The following WDR33 variants were observed in gnomAD, a reference collection of about 807,000 sequenced individuals.
WDR33 encodes the protein pre-mRNA 3' end processing protein WDR33.
A neutral mutation model predicts 164.9 loss-of-function variants in WDR33; 47 were observed. The observed-to-expected ratio is 0.29, with a 90% CI of 0.23 to 0.36. WDR33 has a LOEUF of 0.36. Among genes scored for constraint, WDR33 ranks in the 10% least tolerant of loss-of-function variants. WDR33 has a pLI of 1.00. For missense variants in WDR33, 1,137 were observed against 1,754.1 expected, an observed-to-expected ratio of 0.65 and a Z score of 6.28; for synonymous variants, 505 against 589.0, an observed-to-expected ratio of 0.86 and a Z score of 2.06.
intron 7 of WDR33, among the ~76,000 whole-genome samples, chr2:127,744,699 C>T (rs1025137776): frequency 6.6e-6 from 1 of 152,132 alleles, no homozygotes; most frequent in Non-Finnish European, 1.5e-5. Context: ...TCAAGAAAAA[C>T]AACTCTTAAT....
intron 7 of WDR33, among the ~76,000 whole-genome samples, chr2:127,747,653 G>A (rs1687204063): frequency 6.6e-6 from 1 of 152,104 alleles, no homozygotes; most frequent in African/African-American, 2.4e-5. Context: ...AATGTATCCT[G>A]CTTGTCTAAT....
chr2:127,728,957 C>T (rs1399177317), intron 7 of WDR33, among the ~76,000 whole-genome samples: 1 of 152,064 alleles, frequency 6.6e-6, no homozygotes. Context: ...ACTATGAACC[C>T]AAAAGGAACC....
chr2:127,713,583 C>T lies in WDR33; in HGVS notation c.3308G>A (p.Ser1103Asn), dbSNP rs1686229165. 6.2e-7 allele frequency: 1 copy of T among 1,614,022 alleles called. No homozygotes were observed. Among genetic ancestry groups the T allele is most frequent in the Admixed American group, 1.7e-5 (1 of 60,000 alleles). ...TGGGCCCACAAAGTATCTGTCCCAC[C>T]TTTCTTCTCTGCGCCCTCGAAAACG... Reference protein sequence around the residue: ...DPRFRGRREESFRRGAPPRHE... With the variant: ...DPRFRGRREENFRRGAPPRHE... The change falls in exon 18 of 22, where the codon AGT (serine) becomes AAT (asparagine). Residue 1103 changes from serine (S) to asparagine (N), a missense_variant and splice_region_variant. By Grantham distance (46) the Ser-to-Asn change is conservative. This residue lies in a region of WDR33 where 867 missense variants were observed against 1,073.0 expected (regional missense o/e 0.81). Coordinates refer to ENST00000322313, the MANE Select transcript of WDR33 (RefSeq NM_018383.5). The surrounding 1 kb of genome is among the most constrained non-coding windows in gnomAD (Gnocchi z 6.2).
intron 2 of WDR33, among the ~76,000 whole-genome samples, chr2:127,769,777 C>A (rs1454672637): frequency 6.6e-6 from 1 of 152,162 alleles, no homozygotes; most frequent in Non-Finnish European, 1.5e-5. Context: ...AGGTCTTTAA[C>A]CACAGATCTA....
intron 7 of WDR33, chr2:127,737,363 A>G: frequency 2.0e-6 from 2 of 985,388 alleles, no homozygotes; most frequent in South Asian, 4.7e-5. Context: ...GTGTGTACAT[A>G]TGTGTGTGTG....
chr2:127,717,306 T>C lies in WDR33; in HGVS notation c.2761-43A>G. ...AAGTAAGGGTATGAAATCACAGGCT[T>C]GAGCTACATAAATAGTGATTGCATT... On this transcript the variant is annotated intron_variant, in intron 16 of 21. Transcript: ENST00000322313. This position sits in a 1 kb window ranked among gnomAD's most constrained non-coding sequence, Gnocchi z 5.6. 1.4e-6 allele frequency: 2 copies of C among 1,477,434 alleles called. No individual in the cohort carries two copies. Among genetic ancestry groups the C allele is most frequent in the Non-Finnish European group, 1.8e-6 (2 of 1,104,588 alleles). 91.5% of individuals were successfully genotyped at this position (1,477,434 alleles called of 1,614,324 possible).
chr2:127,711,764 A>ATTTTTTTTTTTTTTTT, intron 18 of WDR33, among the ~76,000 whole-genome samples: 1 of 74,644 alleles, frequency 1.3e-5, no homozygotes, highest in Non-Finnish European at 2.3e-5. Flanking sequence ...ATATATATAT[A>ATTTTTTTTTTTTTTTT]TATATATATA....
At chr2:127,791,861 A>C (rs1688854587) in intron 1 of WDR33, among the ~76,000 whole-genome samples, 1 of 152,154 alleles carries the variant, frequency 6.6e-6, no homozygotes, top group African/African-American at 2.4e-5. Flanking sequence ...GATGCTAAGG[A>C]GCTAGTAGTT....
In WDR33 at chr2:127,704,686, C is replaced by G. The variant is rs1685970616; in HGVS notation, c.*1637G>C. ...ATATGGCTGACATTTTCTCACTCCA[C>G]AGAAATCAATTAGCTTTTGCTGTTT... is the stretch of plus-strand genomic sequence containing the variant. On this transcript the variant is annotated 3_prime_UTR_variant, in exon 22 of 22. Coordinates refer to ENST00000322313, the MANE Select transcript of WDR33 (RefSeq NM_018383.5). 1 of 167,084 alleles carries G rather than the reference C, an allele frequency of 6.0e-6. No individual in the cohort carries two copies. 10.4% of individuals were successfully genotyped at this position (167,084 alleles called of 1,614,324 possible).
rs547350395 is a variant in WDR33, at chr2:127,802,955, T to C, written c.-24+8057A>G. Among the ~76,000 whole-genome samples the C allele has an allele frequency of 4.6e-5, 7 of 152,220 alleles. No homozygotes were observed. The East Asian group carries it at 1.3e-3, about 29-fold the overall frequency. ...AAAACTGCACCACTACACTCCAGCC[T>C]AGGTAACAGATTGAGATCTTGTCTC... is the stretch of plus-strand genomic sequence containing the variant. On this transcript the variant is annotated intron_variant, in intron 1 of 21. Coordinates refer to ENST00000322313, the MANE Select transcript of WDR33 (RefSeq NM_018383.5).
chr2:127,759,547 C>G (rs1441044126), intron 7 of WDR33, among the ~76,000 whole-genome samples: 3 of 151,762 alleles, frequency 2.0e-5, no homozygotes, highest in African/African-American at 7.3e-5. Flanking sequence ...AAAAATTAGC[C>G]GGGCATGGTG....
At chr2:127,772,959 CAA>C (rs72149745) in intron 1 of WDR33, among the ~76,000 whole-genome samples, 50,670 of 116,844 alleles carry the variant, frequency 0.43, 8,899 homozygotes, top group Middle Eastern at 0.62. Context: ...TCCATCTCTA[CAA>C]AAAAAAAAAA....
At chr2:127,767,369 G>T (rs116534656) in intron 4 of WDR33, among the ~76,000 whole-genome samples, 3,248 of 151,942 alleles carry the variant, frequency 0.021, 126 homozygotes, top group African/African-American at 0.075. Context: ...TGAAAATCGG[G>T]GTTATAACTA....
intron 7 of WDR33, among the ~76,000 whole-genome samples, chr2:127,747,132 A>G (rs1319685178): frequency 1.3e-5 from 2 of 152,250 alleles, no homozygotes; most frequent in Non-Finnish European, 2.9e-5. Context: ...CCACAAATCT[A>G]TGTGTCTAAA....
At chr2:127,745,089 T>C (rs1198168802) in intron 7 of WDR33, among the ~76,000 whole-genome samples, 2 of 152,200 alleles carry the variant, frequency 1.3e-5, no homozygotes, top group African/African-American at 2.4e-5. Context: ...GGACCAGATA[T>C]AGAAGGATCA....
chr2:127,755,865 C>T (rs1336521721), intron 7 of WDR33, among the ~76,000 whole-genome samples: 1 of 152,136 alleles, frequency 6.6e-6, no homozygotes, highest in Non-Finnish European at 1.5e-5. Flanking sequence ...CCTTTTACTC[C>T]TTGTTTCTAT....
intron 7 of WDR33, among the ~76,000 whole-genome samples, chr2:127,747,438 GAAA>G (rs75753938): frequency 8.0e-6 from 1 of 125,012 alleles, no homozygotes. Context: ...CTGCTCTACC[GAAA>G]AAAAAAAAAA....
chr2:127,751,325 C>T (rs2105416661), intron 7 of WDR33, among the ~76,000 whole-genome samples: 1 of 150,738 alleles, frequency 6.6e-6, no homozygotes, highest in South Asian at 2.1e-4. Flanking sequence ...CATGCCACTG[C>T]ACTCCAGCCT....
At chr2:127,740,207 G>A (rs1375272534) in intron 7 of WDR33, among the ~76,000 whole-genome samples, 1 of 152,108 alleles carries the variant, frequency 6.6e-6, no homozygotes, top group East Asian at 1.9e-4. Context: ...ATGTCTGATG[G>A]TTCCGTCTAC....
Sources: allele counts gnomAD v4.1 joint callset (sites outside exome capture counted in the v4.1 genomes callset), GRCh38; gene constraint gnomAD v4.1.1; regional missense constraint gnomAD v4.1.1; non-coding constraint Gnocchi (gnomAD v3.1); transcripts MANE v1.5; gene names NCBI Gene and HGNC (gene_info 2026-07-23, HGNC 2026-07-21).